ZNF880: variants seen among roughly 807,000 people sequenced by gnomAD.
The protein encoded by ZNF880 is zinc finger protein LOC400713.
A neutral mutation model predicts 11.8 loss-of-function variants in ZNF880; 12 were observed. The observed-to-expected ratio is 1.02, with a 90% CI of 0.65 to 1.65. The LOEUF (loss-of-function observed/expected upper bound fraction) is 1.65. Among genes scored for constraint, ZNF880 ranks in the 40% most tolerant of loss-of-function variants. The pLI, the probability that ZNF880 is intolerant of heterozygous loss-of-function variation, is 0.00. For synonymous variants in ZNF880, 210 were observed against 232.4 expected, an observed-to-expected ratio of 0.90 and a Z score of 0.88; for missense variants, 601 against 673.9, an observed-to-expected ratio of 0.89 and a Z score of 1.20.
intron 3 of ZNF880, among the ~76,000 whole-genome samples, chr19:52,377,145 C>G (rs1042433785): frequency 3.3e-5 from 5 of 152,026 alleles, no homozygotes; most frequent in Admixed American, 2.0e-4. Context: ...TACATCAAAC[C>G]TGGGGTCTGC....
chr19:52,390,395 T>C, downstream of ZNF880: 5 of 380,130 alleles, frequency 1.3e-5, no homozygotes, highest in South Asian at 9.1e-5. Flanking sequence ...CTCTCCTGAC[T>C]TTCTCCTGCC....
chr19:52,379,757 TA>T (rs1423877501), intron 3 of ZNF880: 1 of 170,076 alleles, frequency 5.9e-6, no homozygotes, highest in African/African-American at 2.4e-5. Flanking sequence ...ATATTTTTAA[TA>T]ATGCTTCAAT....
downstream of ZNF880, among the ~76,000 whole-genome samples, chr19:52,387,451 A>ATTT (rs1986913984): frequency 1.5e-5 from 1 of 64,588 alleles, no homozygotes; most frequent in Non-Finnish European, 2.9e-5. Flanking sequence ...TATGACAAAT[A>ATTT]CTTTTTTTTT....
chr19:52,385,209 T>C lies in ZNF880; in HGVS notation c.1629T>C (p.Thr543=), dbSNP rs758228737. 4.2e-5 allele frequency: 65 copies of C among 1,551,614 alleles called. No homozygotes were observed. Among genetic ancestry groups the C allele is most frequent in the Non-Finnish European group, 5.5e-5 (63 of 1,147,252 alleles). Residue 543 remains threonine (T), a synonymous_variant, in exon 4 of 4, where the codon ACT becomes ACC. Transcript: ENST00000422689. Reference sequence around the variant, plus strand: ...TAAAAAAACATGAGAGAATTCATACTGGGGAGAAACCGTACAGATGTCATG... The same window carrying C: ...TAAAAAAACATGAGAGAATTCATACCGGGGAGAAACCGTACAGATGTCATG... ...LYLKKHERIH[T]GEKPYRCHEC... is the part of the protein sequence containing the mutation.
At chr19:52,390,256 G>A, downstream of ZNF880, 1 of 301,322 alleles carries the variant, frequency 3.3e-6, no homozygotes, top group Non-Finnish European at 6.9e-6. Context: ...TCACCGCAAG[G>A]TTGATTCCCG....
intron 1 of ZNF880, among the ~76,000 whole-genome samples, chr19:52,372,727 G>T (rs1339610148): frequency 1.3e-5 from 2 of 148,684 alleles, no homozygotes; most frequent in African/African-American, 4.9e-5. Context: ...TGGTGAAACC[G>T]CATCTCTACT....
chr19:52,386,803 A>AG (rs1986898821), downstream of ZNF880, among the ~76,000 whole-genome samples: 1 of 23,520 alleles, frequency 4.3e-5, no homozygotes, highest in Non-Finnish European at 2.0e-4. Context: ...ACTCTGTCTC[A>AG]AAAAAAAAAA....
At chr19:52,392,831 A>AT in the ZNF880 span, 2,426 of 166,702 alleles carry the variant, frequency 0.015, 48 homozygotes, top group African/African-American at 0.062. Context: ...ATATATATAT[A>AT]TATTTTTTGA....
upstream of ZNF880, among the ~76,000 whole-genome samples, chr19:52,368,276 T>G (rs1405243598): frequency 6.7e-6 from 1 of 150,010 alleles, no homozygotes; most frequent in Non-Finnish European, 1.5e-5. Context: ...TGACATCATT[T>G]GAAAATATTA....
chr19:52,384,871 A>C lies in ZNF880; in HGVS notation c.1291A>C (p.Thr431Pro). 4 of 1,563,878 alleles carry C rather than the reference A, an allele frequency of 2.6e-6. No individual in the cohort carries two copies. Among genetic ancestry groups the C allele is most frequent in the Non-Finnish European group, 3.5e-6 (4 of 1,154,870 alleles). ...CCTTACTGCCCATCTACTAATTCAC[A>C]CTGGAGAGAAACCTTACAAATGTAA... is the stretch of plus-strand genomic sequence containing the variant. Reference protein sequence around the residue: ...SGLTAHLLIHTGEKPYKCKEC... With the variant: ...SGLTAHLLIHPGEKPYKCKEC... Residue 431 changes from threonine to proline, a missense_variant, in exon 4 of 4, where the codon ACT (threonine) becomes CCT (proline). Transcript: ENST00000422689.
chr19:52,379,326 T>G (rs1304909793), intron 3 of ZNF880: 3 of 385,516 alleles, frequency 7.8e-6, no homozygotes, highest in Non-Finnish European at 1.5e-5. Context: ...TTCCTTTACC[T>G]GATTAAGATA....
Sources: allele counts gnomAD v4.1 joint callset (sites outside exome capture counted in the v4.1 genomes callset), GRCh38; gene constraint gnomAD v4.1.1; transcripts MANE v1.5; gene names NCBI Gene and HGNC (gene_info 2026-07-23, HGNC 2026-07-21).